Variants in FERRY3 observed in about 807,000 individuals in gnomAD.
FERRY3 encodes the protein FERRY endosomal RAB5 effector complex subunit 3.
the FERRY3 span, chr12:4,500,316 G>T: frequency 6.2e-7 from 1 of 1,613,912 alleles, no homozygotes; most frequent in Non-Finnish European, 8.5e-7. Context: ...TGAGAGATTA[G>T]AATGCCGTGT....
At chr12:4,506,760 C>T in the FERRY3 span, among the ~76,000 whole-genome samples, 1 of 151,824 alleles carries the variant, frequency 6.6e-6, no homozygotes, top group Non-Finnish European at 1.5e-5. Flanking sequence ...ACATTTTTGG[C>T]TTTTTATCAT....
the FERRY3 span, among the ~76,000 whole-genome samples, chr12:4,529,603 A>G: frequency 6.6e-6 from 1 of 152,336 alleles, no homozygotes; most frequent in African/African-American, 2.4e-5. Flanking sequence ...CTTCAACAGA[A>G]GTAATCTATT....
At chr12:4,490,427 T>C in the FERRY3 span, 1 of 943,014 alleles carries the variant, frequency 1.1e-6, no homozygotes, top group Non-Finnish European at 1.6e-6. Flanking sequence ...CCTTTTGTGT[T>C]GTTTTTGGGA....
At chr12:4,525,370 T>C in the FERRY3 span, 1 of 1,613,260 alleles carries the variant, frequency 6.2e-7, no homozygotes, top group Non-Finnish European at 8.5e-7. Flanking sequence ...ATTTATTTTC[T>C]AGGTCCTAAA....
chr12:4,491,083 G>A, the FERRY3 span: 10 of 1,076,446 alleles, frequency 9.3e-6, no homozygotes, highest in East Asian at 1.4e-4. Flanking sequence ...TAGATTACAG[G>A]GGTATCTTTC....
the FERRY3 span, among the ~76,000 whole-genome samples, chr12:4,515,075 TATA>T: frequency 1.3e-5 from 2 of 150,626 alleles, no homozygotes; most frequent in Non-Finnish European, 3.0e-5. Context: ...AAACTTAAAG[TATA>T]ATAATAAATA....
chr12:4,522,219 G>T, the FERRY3 span, among the ~76,000 whole-genome samples: 1 of 152,062 alleles, frequency 6.6e-6, no homozygotes, highest in Admixed American at 6.6e-5. Flanking sequence ...CTACTTTGAA[G>T]AAATAAAGTC....
At chr12:4,505,195 T>C in the FERRY3 span, 1 of 708,026 alleles carries the variant, frequency 1.4e-6, no homozygotes, top group South Asian at 1.6e-5. Context: ...CAAAGTGATA[T>C]AATGACATAT....
chr12:4,500,374 T>G, the FERRY3 span: 1 of 1,574,066 alleles, frequency 6.4e-7, no homozygotes. Context: ...GATTACCAAA[T>G]GCCTAAGTAA....
the FERRY3 span, among the ~76,000 whole-genome samples, chr12:4,516,258 T>C: frequency 6.6e-6 from 1 of 152,202 alleles, no homozygotes; most frequent in Non-Finnish European, 1.5e-5. Flanking sequence ...ACTTCAAGTA[T>C]AACTATAGTA....
chr12:4,527,649 A>G, the FERRY3 span, among the ~76,000 whole-genome samples: 3 of 152,198 alleles, frequency 2.0e-5, no homozygotes, highest in Non-Finnish European at 4.4e-5. Flanking sequence ...ACACTAGTGA[A>G]TTTCAACTTA....
the FERRY3 span, among the ~76,000 whole-genome samples, chr12:4,522,672 G>A: frequency 3.3e-5 from 5 of 152,346 alleles, no homozygotes; most frequent in South Asian, 4.1e-4. Context: ...AGGGGAGAGG[G>A]ATTGCATATT....
chr12:4,524,674 A>T, the FERRY3 span, among the ~76,000 whole-genome samples: 1 of 152,210 alleles, frequency 6.6e-6, no homozygotes, highest in Non-Finnish European at 1.5e-5. Context: ...TAATTCTCAA[A>T]CATAACAGAT....
chr12:4,490,539 G>A, the FERRY3 span: 1 of 1,606,428 alleles, frequency 6.2e-7, no homozygotes, highest in Non-Finnish European at 8.5e-7. Context: ...ACTAGAAATT[G>A]CACTGTCCTA....
the FERRY3 span, among the ~76,000 whole-genome samples, chr12:4,529,650 G>A: frequency 2.6e-5 from 4 of 152,098 alleles, no homozygotes. Context: ...AGGCCCACCA[G>A]TATCATTTAC....
chr12:4,493,185 T>A, the FERRY3 span, among the ~76,000 whole-genome samples: 1 of 152,244 alleles, frequency 6.6e-6, no homozygotes, highest in Non-Finnish European at 1.5e-5. Context: ...TGTTCTTTTA[T>A]CTCAATGCTC....
At chr12:4,532,059 G>A in the FERRY3 span, among the ~76,000 whole-genome samples, 6 of 150,296 alleles carry the variant, frequency 4.0e-5, no homozygotes, top group Non-Finnish European at 5.9e-5. Context: ...TTTGAATGCC[G>A]CCCAACACAA....
the FERRY3 span, among the ~76,000 whole-genome samples, chr12:4,522,833 A>G: frequency 4.6e-5 from 7 of 152,386 alleles, no homozygotes; most frequent in African/African-American, 1.7e-4. Flanking sequence ...ACTGAGTAAT[A>G]AAAAGAACCA....
the FERRY3 span, chr12:4,518,000 T>A: frequency 2.0e-6 from 3 of 1,476,570 alleles, no homozygotes. Context: ...CCTTTCTTTG[T>A]AAGAATGGTG....
Sources: gnomAD v4.1 joint callset for allele counts (sites outside exome capture counted in the v4.1 genomes callset) on GRCh38, gnomAD v4.1.1 for gene constraint, MANE v1.5 for transcripts, NCBI Gene and HGNC (gene_info 2026-07-23, HGNC 2026-07-21) for gene names.